MAN1A2: variants seen among roughly 807,000 people sequenced by gnomAD.
MAN1A2 encodes mannosyl-oligosaccharide 1,2-alpha-mannosidase IB.
A neutral mutation model predicts 75.7 loss-of-function variants in MAN1A2; 26 were observed. The observed-to-expected ratio is 0.34, with a 90% CI of 0.25 to 0.48. The LOEUF is 0.48. MAN1A2 is among the 20% of genes least tolerant of loss of function. The pLI is 0.99. For missense variants in MAN1A2, 562 were observed against 775.5 expected (o/e 0.72, Z 3.27); for synonymous variants, 247 against 264.6 (o/e 0.93, Z 0.65).
rs1346977215 is a variant in MAN1A2 at position 117,527,895 on chromosome 1, C to T, written c.*4938C>T. ...ACAGAAAATGGGTTATGTGACTCAT[C>T]TGCTATTTGGCAGCCACTATTCCTT... On this transcript the variant is annotated 3_prime_UTR_variant, in exon 13 of 13. Transcript: ENST00000356554. The T allele has an allele frequency of 6.6e-6, 1 of 152,040 alleles. No homozygotes were observed. Among genetic ancestry groups the T allele is most frequent in the Non-Finnish European group, 1.5e-5 (1 of 67,970 alleles). The allele number at this position is 152,040 out of a possible 1,614,324, so 9.4% of individuals were successfully genotyped here.
At chr1:117,440,780 A>G (rs950004354) in intron 5 of MAN1A2, among the ~76,000 whole-genome samples, 4 of 152,118 alleles carry the variant, frequency 2.6e-5, no homozygotes, top group Non-Finnish European at 4.4e-5. Flanking sequence ...AAGATATGAT[A>G]CAAAATGTGT....
At chr1:117,420,541 G>T (rs774226374) in intron 4 of MAN1A2, 28 bp from the exon 5 acceptor site, 1 of 1,493,282 alleles carries the variant, frequency 6.7e-7, no homozygotes, top group African/African-American at 1.4e-5. Flanking sequence ...TTACGTATTT[G>T]TGAATGTTTT....
At chr1:117,402,770 TG>T (rs1647482996) in intron 2 of MAN1A2, among the ~76,000 whole-genome samples, 3 of 152,256 alleles carry the variant, frequency 2.0e-5, no homozygotes, top group Admixed American at 6.5e-5. Context: ...GTTTCTTAAA[TG>T]TTCAGTTACA....
chr1:117,401,965 G>A (rs1322525454), intron 1 of MAN1A2, among the ~76,000 whole-genome samples: 1 of 152,082 alleles, frequency 6.6e-6, no homozygotes, highest in African/African-American at 2.4e-5. Flanking sequence ...TCTGGAAATT[G>A]TATAAAGAGA....
intron 8 of MAN1A2, among the ~76,000 whole-genome samples, chr1:117,489,205 A>T (rs188862065): frequency 1.3e-5 from 2 of 152,214 alleles, no homozygotes; most frequent in Non-Finnish European, 2.9e-5. Context: ...ATTCTGATTA[A>T]GTTCTTTTAC....
chr1:117,396,090 T>G (rs770799380), intron 1 of MAN1A2, among the ~76,000 whole-genome samples: 1 of 152,260 alleles, frequency 6.6e-6, no homozygotes, highest in Non-Finnish European at 1.5e-5. Context: ...GGCTTCATTA[T>G]GTAGGCATCA....
At chr1:117,507,806 C>A (rs1006884635) in intron 12 of MAN1A2, among the ~76,000 whole-genome samples, 1 of 151,636 alleles carries the variant, frequency 6.6e-6, no homozygotes, top group Non-Finnish European at 1.5e-5. Context: ...AATGGTACTA[C>A]TGTCCCCTCT....
chr1:117,473,037 C>A (rs890684368), intron 8 of MAN1A2, among the ~76,000 whole-genome samples: 6 of 151,924 alleles, frequency 3.9e-5, no homozygotes, highest in Admixed American at 2.0e-4. Context: ...TAGTCCTCAC[C>A]TTGTCCTTGG....
At chr1:117,428,489 CA>C (rs1483516172) in intron 5 of MAN1A2, among the ~76,000 whole-genome samples, 4 of 151,932 alleles carry the variant, frequency 2.6e-5, no homozygotes, top group Non-Finnish European at 5.9e-5. Flanking sequence ...AAATGGCGAA[CA>C]GAAAACCAAA....
At chr1:117,429,653 G>A (rs1221338923) in intron 5 of MAN1A2, among the ~76,000 whole-genome samples, 6 of 110,258 alleles carry the variant, frequency 5.4e-5, no homozygotes, top group East Asian at 2.8e-4. Context: ...CAGTAGGGGC[G>A]GCCGGGCAGA....
At chr1:117,379,150 T>A (rs1653250360) in intron 1 of MAN1A2, among the ~76,000 whole-genome samples, 1 of 152,132 alleles carries the variant, frequency 6.6e-6, no homozygotes, top group Non-Finnish European at 1.5e-5. Context: ...ATCTACTTGT[T>A]GATTTTTGTG....
At chr1:117,462,361 A>G (rs1371184204) in intron 7 of MAN1A2, among the ~76,000 whole-genome samples, 3 of 152,208 alleles carry the variant, frequency 2.0e-5, no homozygotes, top group African/African-American at 4.8e-5. Flanking sequence ...AGTTAAAAGA[A>G]TATGATACAA....
chr1:117,428,780 CTTTCT>C (rs1402289506), intron 5 of MAN1A2, among the ~76,000 whole-genome samples: 12 of 109,026 alleles, frequency 1.1e-4, no homozygotes, highest in South Asian at 9.8e-4. Flanking sequence ...AAGAGGAGAC[CTTTCT>C]TTTTTTTTTT....
intron 5 of MAN1A2, among the ~76,000 whole-genome samples, chr1:117,434,825 A>G (rs1648799781): frequency 6.7e-6 from 1 of 148,896 alleles, no homozygotes; most frequent in Non-Finnish European, 1.5e-5. Flanking sequence ...TCATCACAGT[A>G]TTTTGCCAAG....
At chr1:117,463,169 C>A (rs1207180237) in intron 7 of MAN1A2, among the ~76,000 whole-genome samples, 1 of 150,906 alleles carries the variant, frequency 6.6e-6, no homozygotes, top group East Asian at 1.9e-4. Context: ...AAAGACAGTA[C>A]AAATTCATCA....
At chr1:117,384,481 A>G (rs1166796674) in intron 1 of MAN1A2, among the ~76,000 whole-genome samples, 1 of 152,148 alleles carries the variant, frequency 6.6e-6, no homozygotes, top group Non-Finnish European at 1.5e-5. Context: ...ATGATTTAAT[A>G]TCTTTAAATT....
intron 5 of MAN1A2, among the ~76,000 whole-genome samples, chr1:117,440,197 A>G (rs1183947489): frequency 2.0e-5 from 3 of 152,158 alleles, no homozygotes; most frequent in Non-Finnish European, 2.9e-5. Flanking sequence ...GAGAGAGACA[A>G]AGACTCTGAG....
chr1:117,435,751 AATAG>A (rs955122891), intron 5 of MAN1A2, among the ~76,000 whole-genome samples: 3 of 152,228 alleles, frequency 2.0e-5, no homozygotes, highest in Non-Finnish European at 4.4e-5. Flanking sequence ...AATATTTTGT[AATAG>A]ATAATAAAAT....
Position 117,402,268 on chromosome 1 carries a change from T to C in MAN1A2, c.385T>C (p.Ser129Pro). Reference sequence around the variant, plus strand: ...AGAAGCAAAAGAAAAATTAAGAAAGTCAAGAGAGGAAATTCGAGCAGAAAT... The same window carrying C: ...AGAAGCAAAAGAAAAATTAAGAAAGCCAAGAGAGGAAATTCGAGCAGAAAT... ...LEEAKEKLRK[S>P]REEIRAEIQT... Residue 129 changes from serine (S) to proline (P), a missense_variant, in exon 2 of 13, where the codon TCA becomes CCA. Around this residue, in one of 2 missense-constraint regions of MAN1A2, gnomAD observed 434 missense variants for 645.7 expected, o/e 0.67. Transcript: ENST00000356554. 1 of 1,613,548 alleles carries C rather than the reference T, an allele frequency of 6.2e-7. No homozygotes were observed. Among genetic ancestry groups the C allele is most frequent in the Non-Finnish European group, 8.5e-7 (1 of 1,179,742 alleles).
Sources: allele counts gnomAD v4.1 joint callset (sites outside exome capture counted in the v4.1 genomes callset), GRCh38; gene constraint gnomAD v4.1.1; regional missense constraint gnomAD v4.1.1; transcripts MANE v1.5; gene names NCBI Gene and HGNC (gene_info 2026-07-23, HGNC 2026-07-21).